C12orf42: variants seen among roughly 807,000 people sequenced by gnomAD.
C12orf42 encodes chromosome 12 open reading frame 42.
A neutral mutation model predicts 21.6 loss-of-function variants in C12orf42; 25 were observed. The ratio of observed to expected loss-of-function variants is 1.16; its 90% confidence interval spans 0.84 to 1.62. C12orf42 has a LOEUF of 1.62. Ranked by LOEUF, C12orf42 falls within the 40% of genes most tolerant of loss-of-function variation. The probability of loss-of-function intolerance (pLI) is 0.00; values close to 1 mark genes in which losing one functional copy is unlikely to be tolerated. For missense variants in C12orf42, 483 were observed against 459.3 expected, an observed-to-expected ratio of 1.05 and a Z score of -0.47; for synonymous variants, 174 against 175.0, an observed-to-expected ratio of 0.99 and a Z score of 0.05.
At chr12:103,283,409 A>G (rs950443338) in intron 4 of C12orf42, among the ~76,000 whole-genome samples, 1 of 152,144 alleles carries the variant, frequency 6.6e-6, no homozygotes, top group Admixed American at 6.5e-5. Context: ...AGCCCATCCC[A>G]CTGCTTAAAA....
chr12:103,562,930 A>G, the C12orf42 span, among the ~76,000 whole-genome samples: 1 of 152,228 alleles, frequency 6.6e-6, no homozygotes, highest in Non-Finnish European at 1.5e-5. Flanking sequence ...AAACATTTTA[A>G]CCATTGCCTC....
rs1178582555 is a variant in C12orf42 at position 103,461,538 on chromosome 12, A to T, written c.78+16811T>A. Reference sequence around the variant, plus strand: ...GTACAGACATGTGAACATAAATGATACTGTGTTTGTGATGTCTACATTTAT... The same window carrying T: ...GTACAGACATGTGAACATAAATGATTCTGTGTTTGTGATGTCTACATTTAT... On this transcript the variant is annotated intron_variant, in intron 2 of 5. Coordinates refer to ENST00000548883, the MANE Select transcript of C12orf42 (RefSeq NM_198521.5). 2.0e-5 allele frequency among the ~76,000 whole-genome samples: 3 copies of T among 152,354 alleles called. No homozygotes were observed. In the East Asian group the frequency reaches 5.8e-4, roughly 29 times the overall value.
At chr12:103,497,835 T>C (rs1426687278), upstream of C12orf42, among the ~76,000 whole-genome samples, 1 of 152,012 alleles carries the variant, frequency 6.6e-6, no homozygotes, top group African/African-American at 2.4e-5. Context: ...ATCGATACCA[T>C]CCTGGCTAAC....
chr12:103,207,123 C>T, the C12orf42 span, among the ~76,000 whole-genome samples: 1 of 152,202 alleles, frequency 6.6e-6, no homozygotes, highest in African/African-American at 2.4e-5. Flanking sequence ...TTTGTCATGT[C>T]CCTCTGCCAT....
At chr12:103,452,135 A>G (rs1951984449) in intron 2 of C12orf42, among the ~76,000 whole-genome samples, 1 of 151,938 alleles carries the variant, frequency 6.6e-6, no homozygotes, top group South Asian at 2.1e-4. Flanking sequence ...CAGATCATCT[A>G]GGATGTCCTT....
intron 2 of C12orf42, chr12:103,441,384 G>A (rs1951233014): frequency 3.9e-5 from 6 of 152,136 alleles, no homozygotes; most frequent in Admixed American, 3.9e-4. Flanking sequence ...AACTGAAACT[G>A]ATCATTAAAA....
chr12:103,477,362 G>A (rs1169745559), intron 2 of C12orf42, among the ~76,000 whole-genome samples: 2 of 152,144 alleles, frequency 1.3e-5, no homozygotes. Context: ...CAAGTCTGGA[G>A]GGTGGGTGGT....
At chr12:103,305,382 TAA>T (rs958012446) in intron 5 of C12orf42, among the ~76,000 whole-genome samples, 2 of 152,240 alleles carry the variant, frequency 1.3e-5, no homozygotes, top group Admixed American at 6.5e-5. Context: ...TTTATTTATA[TAA>T]ATCATTTAAT....
chr12:103,171,822 T>C, the C12orf42 span, among the ~76,000 whole-genome samples: 6 of 152,166 alleles, frequency 3.9e-5, no homozygotes, highest in East Asian at 7.7e-4. Flanking sequence ...ATTATAGGAC[T>C]GAAGAAATGT....
chr12:103,275,490 T>G (rs1566011537), intron 5 of C12orf42, among the ~76,000 whole-genome samples: 1 of 152,086 alleles, frequency 6.6e-6, no homozygotes, highest in Non-Finnish European at 1.5e-5. Context: ...ACTAAGATAG[T>G]TTTATGCCGA....
At chr12:103,521,812 C>T in the C12orf42 span, among the ~76,000 whole-genome samples, 3 of 152,196 alleles carry the variant, frequency 2.0e-5, no homozygotes, top group African/African-American at 7.2e-5. Context: ...TTCCCCTCTC[C>T]CACTCAGTGG....
At chr12:103,122,698 G>T in the C12orf42 span, among the ~76,000 whole-genome samples, 1 of 152,304 alleles carries the variant, frequency 6.6e-6, no homozygotes, top group South Asian at 2.1e-4. Flanking sequence ...TTCCCAGTAT[G>T]GTTAAAGAAC....
At chr12:103,202,119 G>T in the C12orf42 span, among the ~76,000 whole-genome samples, 7 of 152,144 alleles carry the variant, frequency 4.6e-5, no homozygotes, top group African/African-American at 1.7e-4. Flanking sequence ...CCATCAAAAT[G>T]CTTGTTTCTC....
At chr12:103,445,054 C>G (rs1485348857) in intron 2 of C12orf42, among the ~76,000 whole-genome samples, 1 of 151,978 alleles carries the variant, frequency 6.6e-6, no homozygotes, top group Admixed American at 6.6e-5. Context: ...AAAACTGTTA[C>G]GAATCATGTT....
the C12orf42 span, among the ~76,000 whole-genome samples, chr12:103,550,858 C>T: frequency 1.3e-5 from 2 of 152,014 alleles, no homozygotes; most frequent in Non-Finnish European, 2.9e-5. Context: ...TTAATTTACA[C>T]ATTATGGATA....
At chr12:103,168,945 G>A in the C12orf42 span, among the ~76,000 whole-genome samples, 1 of 152,056 alleles carries the variant, frequency 6.6e-6, no homozygotes, top group Non-Finnish European at 1.5e-5. Context: ...TCACTCATAA[G>A]TGGGAGTTGA....
intron 2 of C12orf42, among the ~76,000 whole-genome samples, chr12:103,402,757 GGAA>G (rs1037157869): frequency 4.6e-5 from 7 of 152,332 alleles, no homozygotes; most frequent in Non-Finnish European, 5.9e-5. Flanking sequence ...GGACAAAAAT[GGAA>G]GAAGAAGCAA....
At chr12:103,467,154 G>A (rs549904073) in intron 2 of C12orf42, among the ~76,000 whole-genome samples, 1 of 152,274 alleles carries the variant, frequency 6.6e-6, no homozygotes, top group South Asian at 2.1e-4. Flanking sequence ...ATGTAAAAAA[G>A]CATTCTCCTT....
At chr12:103,359,335 C>A (rs1336663317) in intron 4 of C12orf42, among the ~76,000 whole-genome samples, 1 of 151,904 alleles carries the variant, frequency 6.6e-6, no homozygotes, top group African/African-American at 2.4e-5. Flanking sequence ...AGATTTGTAA[C>A]CATTATCAAA....
Sources: allele counts gnomAD v4.1 joint callset (sites outside exome capture counted in the v4.1 genomes callset), GRCh38; gene constraint gnomAD v4.1.1; transcripts MANE v1.5; gene names NCBI Gene and HGNC (gene_info 2026-07-23, HGNC 2026-07-21).